Variants in GRM3 observed in about 807,000 individuals in gnomAD.
GRM3 encodes the protein metabotropic glutamate receptor 3.
A neutral mutation model predicts 70.5 loss-of-function variants in GRM3; 26 were observed. The ratio of observed to expected loss-of-function variants is 0.37; its 90% CI spans 0.27 to 0.51. GRM3 has a LOEUF of 0.51. GRM3 is among the 20% of genes least tolerant of loss of function. GRM3 has a pLI of 0.93. For synonymous variants in GRM3, 443 were observed against 434.9 expected (o/e 1.02, Z -0.23); for missense variants, 859 against 1,123.8 (o/e 0.76, Z 3.37).
intron 1 of GRM3, among the ~76,000 whole-genome samples, chr7:86,662,112 T>G (rs1325977476): frequency 1.3e-5 from 2 of 151,916 alleles, no homozygotes; most frequent in African/African-American, 4.8e-5. Flanking sequence ...TAACCAAATT[T>G]ACTATTAAAT....
At chr7:86,685,194 G>A (rs1006027752) in intron 1 of GRM3, among the ~76,000 whole-genome samples, 1 of 152,158 alleles carries the variant, frequency 6.6e-6, no homozygotes, top group Non-Finnish European at 1.5e-5. Context: ...ATTATCTGAA[G>A]TTTTTCAAGT....
chr7:86,707,709 G>C (rs1795091841), intron 1 of GRM3, among the ~76,000 whole-genome samples: 1 of 152,042 alleles, frequency 6.6e-6, no homozygotes, highest in Non-Finnish European at 1.5e-5. Context: ...ATAGTATTTA[G>C]ATCATGGTAA....
intron 1 of GRM3, among the ~76,000 whole-genome samples, chr7:86,707,546 C>CATGAT (rs1193938472): frequency 6.6e-6 from 1 of 151,930 alleles, no homozygotes; most frequent in African/African-American, 2.4e-5. Flanking sequence ...TTCATGAGAA[C>CATGAT]AATGGGGATG....
chr7:86,771,165 A>G (rs536955629), intron 2 of GRM3, among the ~76,000 whole-genome samples: 5 of 152,112 alleles, frequency 3.3e-5, no homozygotes, highest in Admixed American at 6.6e-5. Flanking sequence ...TATTCAAGCA[A>G]AAGTTGGCCT....
chr7:86,662,736 A>G (rs1793924720), intron 1 of GRM3, among the ~76,000 whole-genome samples: 1 of 151,952 alleles, frequency 6.6e-6, no homozygotes, highest in South Asian at 2.1e-4. Flanking sequence ...TGAAGCTATG[A>G]ATTTCATATG....
intron 1 of GRM3, among the ~76,000 whole-genome samples, chr7:86,761,236 G>C (rs140881074): frequency 6.6e-6 from 1 of 152,132 alleles, no homozygotes; most frequent in Non-Finnish European, 1.5e-5. Context: ...ATAAGTGAAT[G>C]TGTCTCTGAG....
intron 3 of GRM3, among the ~76,000 whole-genome samples, chr7:86,799,007 T>G (rs191576032): frequency 6.6e-6 from 1 of 152,330 alleles, no homozygotes; most frequent in African/African-American, 2.4e-5. Flanking sequence ...CTTGGGTATG[T>G]CTTTATTAGC....
chr7:86,786,092 G>C lies in GRM3; in HGVS notation c.469-169G>C. ...CCTGCTTCCTAGTGTCCAAAATACAGTATCCAAGGAAGCATCTGGTATTCA... is the reference window on the plus strand; with the variant it reads ...CCTGCTTCCTAGTGTCCAAAATACACTATCCAAGGAAGCATCTGGTATTCA... On this transcript the variant is annotated intron_variant, in intron 2 of 5. Coordinates refer to ENST00000361669, the MANE Select transcript of GRM3 (RefSeq NM_000840.3). This position sits in a 1 kb window ranked among gnomAD's most constrained non-coding sequence, Gnocchi z 6.0. The C allele has an allele frequency of 4.5e-6, 3 of 667,830 alleles. No individual in the cohort carries two copies. In the East Asian group the frequency reaches 7.6e-5, roughly 17 times the overall value. The allele number at this position is 667,830 out of a possible 1,614,324, so 41.4% of individuals were successfully genotyped here.
chr7:86,864,464 T>A lies in GRM3; in HGVS notation c.*109T>A. The A allele has an allele frequency of 1.2e-6, 1 of 806,044 alleles. No individual in the cohort carries two copies. Among genetic ancestry groups the A allele is most frequent in the South Asian group, 1.4e-5 (1 of 73,792 alleles). The allele number at this position is 806,044 out of a possible 1,614,324, so 49.9% of individuals were successfully genotyped here. A position where few individuals can be genotyped will look rare whatever the true frequency, so the allele number is the denominator to read the frequency against. On this transcript the variant is annotated 3_prime_UTR_variant, in exon 6 of 6. Transcript: ENST00000361669. Reference sequence around the variant, plus strand: ...AAAAGAACAACCCTAGTACCTTTTTTTAGAAACAGTACGATAAATTATTTT... The same window carrying A: ...AAAAGAACAACCCTAGTACCTTTTTATAGAAACAGTACGATAAATTATTTT...
intron 1 of GRM3, among the ~76,000 whole-genome samples, chr7:86,722,449 G>T (rs1795490048): frequency 6.6e-6 from 1 of 152,172 alleles, no homozygotes; most frequent in East Asian, 1.9e-4. Context: ...AATATCCTTT[G>T]CAGGGATGTG....
chr7:86,786,067 C>G lies in GRM3; in HGVS notation c.469-194C>G. The G allele has an allele frequency of 3.2e-6, 2 of 626,580 alleles. No individual in the cohort carries two copies. Among genetic ancestry groups the G allele is most frequent in the Non-Finnish European group, 5.7e-6 (2 of 348,440 alleles). 38.8% of individuals were successfully genotyped at this position (626,580 alleles called of 1,614,324 possible). ...TGAAGCACACACTACCTGTGTGAGA[C>G]CTGCTTCCTAGTGTCCAAAATACAG... On this transcript the variant is annotated intron_variant, in intron 2 of 5. Transcript: ENST00000361669. The surrounding 1 kb of genome is among the most constrained non-coding windows in gnomAD (Gnocchi z 6.0).
intron 1 of GRM3, among the ~76,000 whole-genome samples, chr7:86,692,864 A>G (rs759969480): frequency 2.6e-5 from 4 of 152,214 alleles, no homozygotes; most frequent in Non-Finnish European, 4.4e-5. Context: ...CAAAAAACCA[A>G]TAGTAAAGCA....
chr7:86,805,226 A>C (rs572205492), intron 3 of GRM3, among the ~76,000 whole-genome samples: 16 of 152,344 alleles, frequency 1.1e-4, no homozygotes, highest in African/African-American at 3.6e-4. Context: ...GGGAAAATTT[A>C]TGTGTTGTTC....
At chr7:86,815,174 G>C (rs1797990670) in intron 3 of GRM3, among the ~76,000 whole-genome samples, 1 of 151,684 alleles carries the variant, frequency 6.6e-6, no homozygotes, top group South Asian at 2.1e-4. Flanking sequence ...ACGGGAAAAA[G>C]AACAATTTGC....
intron 1 of GRM3, among the ~76,000 whole-genome samples, chr7:86,726,572 C>G (rs758443282): frequency 6.6e-6 from 1 of 152,128 alleles, no homozygotes; most frequent in Non-Finnish European, 1.5e-5. Flanking sequence ...CATCACTAAC[C>G]ATTTCCCCCA....
At chr7:86,704,270 T>A in intron 1 of GRM3, among the ~76,000 whole-genome samples, 1 of 151,990 alleles carries the variant, frequency 6.6e-6, no homozygotes, top group East Asian at 1.9e-4. Context: ...AATGAATTAT[T>A]CTCAAGTTTT....
rs35792615 is a variant in GRM3, at chr7:86,823,582, ATTTTT to A, written c.1325-15238_1325-15234del. 8.7e-3 allele frequency among the ~76,000 whole-genome samples: 377 copies of A among 43,112 alleles called. 2 individuals are homozygous for A. Among genetic ancestry groups the A allele is most frequent in the African/African-American group, 0.037 (365 of 9,770 alleles). 28.3% of individuals were successfully genotyped at this position (43,112 alleles called of 152,430 possible). A position where few individuals can be genotyped will look rare whatever the true frequency, so the allele number is the denominator to read the frequency against. ...AATTCAGCGGTTAGCTGTGTGAGGT[ATTTTT>A]TTTTTTTTTTTTTTTTTTGGCGGGG... On this transcript the variant is annotated intron_variant, in intron 3 of 5. Transcript: ENST00000361669.
At chr7:86,739,716 T>C (rs1406742437) in intron 1 of GRM3, among the ~76,000 whole-genome samples, 1 of 152,206 alleles carries the variant, frequency 6.6e-6, no homozygotes, top group Non-Finnish European at 1.5e-5. Context: ...ATGCTTAAAT[T>C]TGAGAACTAT....
In GRM3 at chr7:86,777,114, T is replaced by C. The variant is rs1284602426; in HGVS notation, c.469-9147T>C. ...GATATCTGAATGTGGAATAGCATCG[T>C]GATGGTGAGAAATATGACATGTCTT... is the stretch of plus-strand genomic sequence containing the variant. On this transcript the variant is annotated intron_variant, in intron 2 of 5. Coordinates refer to ENST00000361669, the MANE Select transcript of GRM3 (RefSeq NM_000840.3). Among the ~76,000 whole-genome samples the C allele has an allele frequency of 2.0e-5, 3 of 152,254 alleles. No homozygotes were observed. In the East Asian group the frequency reaches 5.8e-4, roughly 29 times the overall value.
Sources: gnomAD v4.1 joint callset for allele counts (sites outside exome capture counted in the v4.1 genomes callset) on GRCh38, gnomAD v4.1.1 for gene constraint, Gnocchi (gnomAD v3.1) non-coding constraint, MANE v1.5 for transcripts, NCBI Gene and HGNC (gene_info 2026-07-23, HGNC 2026-07-21) for gene names.